Variants in ACAT2 observed in about 807,000 individuals in gnomAD.
The protein encoded by ACAT2 is acetyl-CoA acetyltransferase 2.
A neutral mutation model predicts 37.1 loss-of-function variants in ACAT2; 26 were observed. The ratio of observed to expected loss-of-function variants is 0.70; its 90% CI spans 0.51 to 0.97. The LOEUF (loss-of-function observed/expected upper bound fraction) is 0.97. ACAT2 is among the 50% of genes least tolerant of loss of function. ACAT2 has a pLI of 0.00. For missense variants in ACAT2, 468 were observed against 489.0 expected, an observed-to-expected ratio of 0.96 and a Z score of 0.40; for synonymous variants, 156 against 163.6, an observed-to-expected ratio of 0.95 and a Z score of 0.35.
At chr6:159,762,230 C>T in intron 1 of ACAT2, 88 bp downstream of exon 1, 7 of 1,450,718 alleles carry the variant, frequency 4.8e-6, no homozygotes, top group Non-Finnish European at 6.4e-6. Context: ...AGGAGAGGGG[C>T]GTATGTGGAG....
chr6:159,774,691 T>A (rs773080463), intron 4 of ACAT2, among the ~76,000 whole-genome samples: 5 of 152,210 alleles, frequency 3.3e-5, no homozygotes, highest in Non-Finnish European at 5.9e-5. Context: ...TCCTCCCACC[T>A]CGGCCTCCCA....
In ACAT2 at chr6:159,764,439, A is replaced by G. The variant is rs190881781; in HGVS notation, c.190+1386A>G. On this transcript the variant is annotated intron_variant, in intron 2 of 8. Coordinates refer to ENST00000367048, the MANE Select transcript of ACAT2 (RefSeq NM_005891.3). ...AACACTCGTAATTAATTAATTAATT[A>G]TTATTATTATTATTTAAAGAGACAG... 4.6e-5 allele frequency among the ~76,000 whole-genome samples: 7 copies of G among 151,544 alleles called. No individual in the cohort carries two copies. In the South Asian group the frequency reaches 6.2e-4, roughly 13 times the overall value.
intron 1 of ACAT2, 52 bp downstream of exon 1, chr6:159,762,194 A>G (rs1780153136): frequency 6.4e-7 from 1 of 1,570,750 alleles, no homozygotes; most frequent in African/African-American, 1.4e-5. Flanking sequence ...CTGCTTCGGC[A>G]GGAGCGCCGA....
intron 3 of ACAT2, 84 bp from the exon 4 acceptor site, chr6:159,768,427 A>G: frequency 9.8e-7 from 1 of 1,024,258 alleles, no homozygotes; most frequent in East Asian, 2.4e-5. Context: ...AAGACTTAGG[A>G]AATACTAGAT....
At chr6:159,776,698 T>C (rs1290391452) in intron 6 of ACAT2, among the ~76,000 whole-genome samples, 1 of 152,230 alleles carries the variant, frequency 6.6e-6, no homozygotes, top group African/African-American at 2.4e-5. Context: ...TTTGTATTTT[T>C]CCAGTACCAG....
chr6:159,762,940 C>A lies in ACAT2; in HGVS notation c.77C>A (p.Ala26Asp). The A allele has an allele frequency of 6.2e-7, 1 of 1,613,378 alleles. No homozygotes were observed. The highest frequency in any genetic ancestry group is 8.5e-7 in the Non-Finnish European group (1 of 1,179,622). Residue 26 changes from alanine to aspartate, a missense_variant, in exon 2 of 9, where the codon GCT becomes GAT. Ala to Asp is a moderately radical substitution (Grantham distance 126). Transcript: ENST00000367048. ...TIIGSFNGAL[A>D]AVPVQDLGST... is the part of the protein sequence containing the mutation. ...GTAGGTTCCTTCAATGGTGCCTTAGCTGCTGTTCCTGTCCAGGACCTGGGC... is the reference window on the plus strand; with the variant it reads ...GTAGGTTCCTTCAATGGTGCCTTAGATGCTGTTCCTGTCCAGGACCTGGGC...
chr6:159,768,693 G>A (rs1780292576), intron 4 of ACAT2, 65 bp downstream of exon 4: 1 of 1,141,682 alleles, frequency 8.8e-7, no homozygotes, highest in Admixed American at 1.8e-5. Flanking sequence ...ATACTAATCT[G>A]CTTCTTAGGT....
At chr6:159,765,985 A>G (rs897875893) in intron 2 of ACAT2, among the ~76,000 whole-genome samples, 2 of 152,196 alleles carry the variant, frequency 1.3e-5, no homozygotes, top group African/African-American at 4.8e-5. Flanking sequence ...AACATTTACC[A>G]TTGACTCTGA....
chr6:159,775,997 G>A, intron 5 of ACAT2, 153 bp from the exon 6 acceptor site: 1 of 758,640 alleles, frequency 1.3e-6, no homozygotes, highest in Non-Finnish European at 2.1e-6. Flanking sequence ...ATTCTTGTGT[G>A]TACTTTCCTC....
Position 159,768,562 on chromosome 6 carries a change from C to A in ACAT2, c.424C>A (p.Leu142Met). ...RTGVKIGEMP[L>M]TDSILCDGLT... Reference sequence around the variant, plus strand: ...AGGAGTAAAGATAGGTGAGATGCCACTGACTGACAGTATACTCTGTGATGG... The same window carrying A: ...AGGAGTAAAGATAGGTGAGATGCCAATGACTGACAGTATACTCTGTGATGG... Residue 142 changes from leucine to methionine, a missense_variant, in exon 4 of 9, where the codon CTG becomes ATG. By Grantham distance (15) the Leu-to-Met change is conservative. Coordinates refer to ENST00000367048, the MANE Select transcript of ACAT2 (RefSeq NM_005891.3). The A allele has an allele frequency of 6.2e-7, 1 of 1,614,028 alleles. No homozygotes were observed. Among genetic ancestry groups the A allele is most frequent in the African/African-American group, 1.3e-5 (1 of 75,050 alleles).
chr6:159,775,525 G>A, intron 5 of ACAT2: 1 of 530,916 alleles, frequency 1.9e-6, no homozygotes, highest in East Asian at 3.3e-5. Context: ...AGCACTCTTG[G>A]TTCCAGAGCG....
At chr6:159,775,982 CA>C (rs2114984385) in intron 5 of ACAT2, 167 bp from the exon 6 acceptor site, 1 of 678,782 alleles carries the variant, frequency 1.5e-6, no homozygotes, top group Admixed American at 3.0e-5. Flanking sequence ...TTTTCATGTA[CA>C]ATAATTCTTG....
intron 3 of ACAT2, 144 bp downstream of exon 3, chr6:159,767,330 T>TCACATTCAAGTAGG: frequency 1.1e-6 from 1 of 870,406 alleles, no homozygotes; most frequent in Non-Finnish European, 1.7e-6. Context: ...GATCCCTACT[T>TCACATTCAAGTAGG]GAATGTGAAG....
chr6:159,778,422 TTTAAAAAA>T (rs878933883), intron 8 of ACAT2, 142 bp downstream of exon 8: 47,114 of 427,966 alleles, frequency 0.11, 400 homozygotes, highest in Middle Eastern at 0.14. Flanking sequence ...CTTCCCAAGG[TTTAAAAAA>T]AAAAAAAAAA....
intron 4 of ACAT2, 128 bp from the exon 5 acceptor site, chr6:159,775,042 T>C: frequency 9.2e-7 from 1 of 1,091,400 alleles, no homozygotes; most frequent in African/African-American, 1.6e-5. Context: ...ACACAGAGCA[T>C]TGCACAGGCC....
chr6:159,762,558 C>G, intron 1 of ACAT2: 1 of 1,335,724 alleles, frequency 7.5e-7, no homozygotes. Context: ...CACACAATGG[C>G]TAGAAGTCGT....
At chr6:159,763,105 AACAC>A (rs112953742) in intron 2 of ACAT2, 52 bp downstream of exon 2, 582 of 1,512,022 alleles carry the variant, frequency 3.8e-4, no homozygotes, top group African/African-American at 1.4e-3. Flanking sequence ...ACAGCCCATA[AACAC>A]ACACACACAC....
chr6:159,777,912 A>G (rs35625689), intron 7 of ACAT2, among the ~76,000 whole-genome samples: 73,221 of 151,996 alleles, frequency 0.48, 19,053 homozygotes, highest in Non-Finnish European at 0.58. Context: ...TTAGGTACAC[A>G]TAACAGATGC....
chr6:159,767,124 C>G lies in ACAT2; in HGVS notation c.310C>G (p.Gln104Glu). 1 of 1,614,168 alleles carries G rather than the reference C, an allele frequency of 6.2e-7. No homozygotes were observed. Among genetic ancestry groups the G allele is most frequent in the South Asian group, 1.1e-5 (1 of 91,090 alleles). Residue 104 changes from glutamine (Q) to glutamate (E), a missense_variant, in exon 3 of 9, where the codon CAG (glutamine) becomes GAG (glutamate). Coordinates refer to ENST00000367048, the MANE Select transcript of ACAT2 (RefSeq NM_005891.3). The part of the protein sequence containing the change: ...SGLKAVCLAV[Q>E]SIGIGDSSIV... ...CCTAAAAGCTGTGTGCCTTGCAGTC[C>G]AGTCAATAGGGATAGGAGACTCCAG...
Sources: allele counts gnomAD v4.1 joint callset (sites outside exome capture counted in the v4.1 genomes callset), GRCh38; gene constraint gnomAD v4.1.1; transcripts MANE v1.5; gene names NCBI Gene and HGNC (gene_info 2026-07-23, HGNC 2026-07-21).